The following TBC1D30 variants were observed in gnomAD, a reference collection of about 807,000 sequenced individuals.
The protein encoded by TBC1D30 is TBC1 domain family member 30.
TBC1D30 carries 31 observed loss-of-function variants against 63.2 expected under a neutral mutation model. That is an observed-to-expected ratio of 0.49 (90% confidence interval 0.37 to 0.66). The LOEUF (loss-of-function observed/expected upper bound fraction) is 0.66. TBC1D30 is among the 30% of genes least tolerant of loss of function. The probability of loss-of-function intolerance (pLI) is 0.00; values close to 1 mark genes in which losing one functional copy is unlikely to be tolerated. For synonymous variants in TBC1D30, 307 were observed against 361.5 expected (o/e 0.85, Z 1.71); for missense variants, 810 against 953.6 (o/e 0.85, Z 1.98).
At chr12:64,783,678 A>G (rs1444110969) in intron 1 of TBC1D30, among the ~76,000 whole-genome samples, 2 of 151,624 alleles carry the variant, frequency 1.3e-5, no homozygotes, top group African/African-American at 4.9e-5. Context: ...AAATTTTCCC[A>G]TATTGAACAA....
chr12:64,779,234 A>C (rs1165751225), upstream of TBC1D30: 1 of 152,182 alleles, frequency 6.6e-6, no homozygotes, highest in Admixed American at 6.5e-5. Flanking sequence ...ACTCCTCTGA[A>C]AGTCCTGCTC....
At chr12:64,847,110 C>T (rs1054442763) in intron 8 of TBC1D30, among the ~76,000 whole-genome samples, 11 of 150,992 alleles carry the variant, frequency 7.3e-5, no homozygotes, top group African/African-American at 2.7e-4. Flanking sequence ...ATTTTTCAAT[C>T]TTGGTAGGTT....
intron 2 of TBC1D30, among the ~76,000 whole-genome samples, chr12:64,816,415 CTTTG>C (rs1366122106): frequency 6.6e-6 from 1 of 152,186 alleles, no homozygotes; most frequent in Non-Finnish European, 1.5e-5. Context: ...AAAAGGATTT[CTTTG>C]TTTAAATTTC....
chr12:64,835,136 T>G (rs1191472265), intron 5 of TBC1D30, among the ~76,000 whole-genome samples: 1 of 152,156 alleles, frequency 6.6e-6, no homozygotes, highest in Non-Finnish European at 1.5e-5. Flanking sequence ...AGAGACAGAA[T>G]TTACTCCTTT....
chr12:64,823,625 A>C (rs888045698), upstream of TBC1D30, among the ~76,000 whole-genome samples: 1 of 152,004 alleles, frequency 6.6e-6, no homozygotes, highest in Non-Finnish European at 1.5e-5. Context: ...CCGTGCCCAG[A>C]CTATTTTATG....
chr12:64,791,871 T>C (rs1294776190), intron 2 of TBC1D30, among the ~76,000 whole-genome samples: 2 of 152,112 alleles, frequency 1.3e-5, no homozygotes, highest in Non-Finnish European at 1.5e-5. Context: ...AGGCGTAAGC[T>C]AACGTACTTG....
chr12:64,784,550 T>C (rs916878283), intron 1 of TBC1D30, among the ~76,000 whole-genome samples: 1 of 150,016 alleles, frequency 6.7e-6, no homozygotes, highest in Non-Finnish European at 1.5e-5. Context: ...TAAGGTTAAG[T>C]TGAGTGGAAG....
In TBC1D30 at chr12:64,825,998, C is replaced by A. The variant is rs559371076; in HGVS notation, c.154+965C>A. The stretch of plus-strand genomic sequence containing the variant: ...ACTGCCTTTCCCAACCTCGTGGTTT[C>A]TTTGTTGTTCTCCCCTAGGAAGTGT... On this transcript the variant is annotated intron_variant, in intron 1 of 11. Coordinates refer to ENST00000539867, the MANE Select transcript of TBC1D30 (RefSeq NM_015279.2). Among the ~76,000 whole-genome samples, 3 of 152,280 alleles carry A rather than the reference C, an allele frequency of 2.0e-5. No individual in the cohort carries two copies. In the South Asian group the frequency reaches 6.2e-4, roughly 32 times the overall value.
chr12:64,844,807 A>G (rs935411012), intron 8 of TBC1D30, among the ~76,000 whole-genome samples: 12 of 152,010 alleles, frequency 7.9e-5, no homozygotes, highest in Non-Finnish European at 1.5e-4. Flanking sequence ...TTCACTTAAT[A>G]TAATGACCTC....
chr12:64,843,245 C>T (rs1420885345), intron 7 of TBC1D30, 135 bp from the exon 8 acceptor site: 3 of 710,592 alleles, frequency 4.2e-6, no homozygotes, highest in Admixed American at 5.6e-5. Flanking sequence ...TCCTCCCGCC[C>T]CAGCCTCCCA....
At chr12:64,776,786 C>G (rs923238540), upstream of TBC1D30, among the ~76,000 whole-genome samples, 4 of 152,136 alleles carry the variant, frequency 2.6e-5, no homozygotes, top group Non-Finnish European at 5.9e-5. Flanking sequence ...GAAACAAAAC[C>G]TGGCAGAGAT....
At chr12:64,792,291 C>T (rs1051639979) in intron 2 of TBC1D30, among the ~76,000 whole-genome samples, 2 of 152,194 alleles carry the variant, frequency 1.3e-5, no homozygotes, top group Non-Finnish European at 2.9e-5. Context: ...CTCTCTCCCC[C>T]ACATTTGTGT....
At position 64,877,004 on chromosome 12, in the gene TBC1D30, C is replaced by G. The variant is rs1274673098; in HGVS notation, c.*1216C>G. On this transcript the variant is annotated 3_prime_UTR_variant, in exon 12 of 12. Coordinates refer to ENST00000539867, the MANE Select transcript of TBC1D30 (RefSeq NM_015279.2). ...CAGTGCAATAGGTGGGTTTAATGCT[C>G]TTTGTACACAGATGTATTGGCTACA... is the stretch of plus-strand genomic sequence containing the variant. 4 of 436,492 alleles carry G rather than the reference C, an allele frequency of 9.2e-6. No individual in the cohort carries two copies. The highest frequency in any genetic ancestry group is 4.8e-5 in the Admixed American group (2 of 41,668). 27.0% of individuals were successfully genotyped at this position (436,492 alleles called of 1,614,324 possible).
At chr12:64,780,534 G>T (rs1871211066) in exon 1 of TBC1D30, among the ~76,000 whole-genome samples, 1 of 152,262 alleles carries the variant, frequency 6.6e-6, no homozygotes, top group Non-Finnish European at 1.5e-5. Context: ...TCTCGCGCAC[G>T]GGAGAGCGCT....
At chr12:64,786,660 A>C (rs1304469760) in intron 2 of TBC1D30, among the ~76,000 whole-genome samples, 1 of 152,090 alleles carries the variant, frequency 6.6e-6, no homozygotes, top group Non-Finnish European at 1.5e-5. Flanking sequence ...TTTTTAAAAC[A>C]GCATCACTGG....
Position 64,793,531 on chromosome 12 carries a change from G to A in TBC1D30, c.643+7486G>A, listed in dbSNP as rs146046353. Among the ~76,000 whole-genome samples, 1,337 of 150,200 alleles carry A rather than the reference G, an allele frequency of 8.9e-3. 20 individuals are homozygous for A. The highest frequency in any genetic ancestry group is 0.031 in the African/African-American group (1,270 of 40,982). ...AAGAATTAGCTGGGCGTGGTGGCAC[G>A]CACCTGTAATCCCAGCTACTCTGGA... On this transcript the variant is annotated intron_variant, in intron 2 of 12. Coordinates refer to the TBC1D30 transcript ENST00000542120.
At position 64,809,805 on chromosome 12, in the gene TBC1D30, T is replaced by G. The variant is rs556541506; in HGVS notation, c.644-18030T>G. On this transcript the variant is annotated intron_variant, in intron 2 of 12. Transcript: ENST00000542120. Reference sequence around the variant, plus strand: ...GATCAATAATGCTACAGATCCAGTCTAATTAATCATGGATCAAAAGCTAAA... The same window carrying G: ...GATCAATAATGCTACAGATCCAGTCGAATTAATCATGGATCAAAAGCTAAA... 1.1e-4 allele frequency among the ~76,000 whole-genome samples: 16 copies of G among 152,352 alleles called. No homozygotes were observed. The East Asian group carries it at 2.9e-3, about 28-fold the overall frequency.
chr12:64,809,704 A>G (rs1873096124), intron 2 of TBC1D30, among the ~76,000 whole-genome samples: 1 of 151,982 alleles, frequency 6.6e-6, no homozygotes, highest in Non-Finnish European at 1.5e-5. Flanking sequence ...TTTCATCTTG[A>G]TTTGTTTTTC....
At chr12:64,809,339 A>G (rs1484081647) in intron 2 of TBC1D30, among the ~76,000 whole-genome samples, 2 of 151,484 alleles carry the variant, frequency 1.3e-5, no homozygotes, top group Admixed American at 6.6e-5. Flanking sequence ...TATAAGGGAG[A>G]ACATATGATA....
Sources: gnomAD v4.1 joint callset for allele counts (sites outside exome capture counted in the v4.1 genomes callset) on GRCh38, gnomAD v4.1.1 for gene constraint, MANE v1.5 for transcripts, NCBI Gene and HGNC (gene_info 2026-07-23, HGNC 2026-07-21) for gene names.